ABCA13: variants seen among roughly 807,000 people sequenced by gnomAD.
ABCA13 encodes the protein ATP binding cassette subfamily A member 13, also known as ATP-binding cassette sub-family A member 13.
A neutral mutation model predicts 478.7 loss-of-function variants in ABCA13; 476 were observed. The observed-to-expected ratio is 0.99, with a 90% CI of 0.92 to 1.07. ABCA13 has a LOEUF of 1.07. Among genes scored for constraint, ABCA13 ranks in the 50% least tolerant of loss-of-function variants. ABCA13 has a pLI of 0.00. For synonymous variants in ABCA13, 2,252 were observed against 2,158.9 expected (o/e 1.04, Z -1.20); for missense variants, 6,060 against 5,910.6 (o/e 1.03, Z -0.83).
intron 16 of ABCA13, among the ~76,000 whole-genome samples, chr7:48,270,920 T>A (rs1407300910): frequency 6.6e-6 from 1 of 152,206 alleles, no homozygotes; most frequent in Non-Finnish European, 1.5e-5. Flanking sequence ...TCACAACTCA[T>A]TCAGCAAAGA....
At chr7:48,549,276 C>T (rs1218977779) in intron 55 of ABCA13, among the ~76,000 whole-genome samples, 7 of 151,742 alleles carry the variant, frequency 4.6e-5, no homozygotes, top group Non-Finnish European at 1.0e-4. Flanking sequence ...CATGTGTTCT[C>T]ATTGTTCAAC....
intron 55 of ABCA13, among the ~76,000 whole-genome samples, chr7:48,560,534 T>G (rs1786350645): frequency 6.6e-6 from 1 of 152,158 alleles, no homozygotes; most frequent in Non-Finnish European, 1.5e-5. Context: ...TTTTTTTGTG[T>G]GTAGTTAGTT....
At chr7:48,247,219 C>CT (rs1791829174) in intron 13 of ABCA13, among the ~76,000 whole-genome samples, 1 of 151,642 alleles carries the variant, frequency 6.6e-6, no homozygotes, top group African/African-American at 2.4e-5. Context: ...GCCTGGGTGA[C>CT]AATGTGAGAC....
intron 5 of ABCA13, 39 bp from the exon 6 acceptor site, chr7:48,227,223 T>C: frequency 1.2e-6 from 2 of 1,608,976 alleles, no homozygotes; most frequent in Non-Finnish European, 8.5e-7. Context: ...TTAATAAAAC[T>C]CCAGAGGGAA....
intron 61 of ABCA13, among the ~76,000 whole-genome samples, 174 bp downstream of exon 61, chr7:48,644,928 A>G: frequency 6.6e-6 from 1 of 152,134 alleles, no homozygotes; most frequent in East Asian, 1.9e-4. Flanking sequence ...TGTTTACTGT[A>G]TACCCTTCTA....
chr7:48,378,475 C>T (rs1051276169), intron 35 of ABCA13, among the ~76,000 whole-genome samples: 1 of 152,118 alleles, frequency 6.6e-6, no homozygotes, highest in Non-Finnish European at 1.5e-5. Context: ...TGAACCATGC[C>T]ACATTTGGAA....
intron 58 of ABCA13, among the ~76,000 whole-genome samples, chr7:48,601,468 G>T (rs1334313385): frequency 6.6e-6 from 1 of 152,160 alleles, no homozygotes; most frequent in Non-Finnish European, 1.5e-5. Flanking sequence ...GTGAGAACAT[G>T]TGGTGTTTGG....
In ABCA13 at chr7:48,412,601, G is replaced by A. The variant is rs779209458; in HGVS notation, c.12459+18G>A. ...TAGAAGAGGTACTGAGAAAACTGAA[G>A]CGTGCTTTAATTATTTATGCCTTTT... On this transcript the variant is annotated intron_variant, in intron 41 of 61. Transcript: ENST00000435803. The A allele has an allele frequency of 1.9e-6, 3 of 1,579,368 alleles. No individual in the cohort carries two copies. The highest frequency in any genetic ancestry group is 2.6e-6 in the Non-Finnish European group (3 of 1,162,532).
chr7:48,561,477 C>T (rs1161811753), intron 55 of ABCA13, among the ~76,000 whole-genome samples: 2 of 152,116 alleles, frequency 1.3e-5, no homozygotes, highest in East Asian at 1.9e-4. Context: ...TAATTTGCAT[C>T]TCCCTAATGA....
chr7:48,245,669 C>T (rs530353492), intron 12 of ABCA13, 57 bp downstream of exon 12: 4 of 1,549,632 alleles, frequency 2.6e-6, no homozygotes, highest in Admixed American at 3.7e-5. Context: ...TCAAGAAGCT[C>T]ATGCAATATT....
intron 20 of ABCA13, among the ~76,000 whole-genome samples, chr7:48,289,582 A>G (rs1225535577): frequency 6.6e-6 from 1 of 151,864 alleles, no homozygotes; most frequent in Non-Finnish European, 1.5e-5. Flanking sequence ...GCTGGTCTTG[A>G]ACTCCTGATC....
chr7:48,241,938 C>T (rs991728928), intron 10 of ABCA13, among the ~76,000 whole-genome samples: 60 of 152,206 alleles, frequency 3.9e-4, no homozygotes, highest in African/African-American at 1.3e-3. Flanking sequence ...GAGGTGCTTG[C>T]GCTAAAGGCA....
At chr7:48,573,645 G>T (rs1787892301) in intron 55 of ABCA13, among the ~76,000 whole-genome samples, 1 of 152,068 alleles carries the variant, frequency 6.6e-6, no homozygotes, top group African/African-American at 2.4e-5. Context: ...GAGGTGGGAG[G>T]ATTGCTGGAG....
At chr7:48,264,356 CA>C (rs1458720677) in intron 15 of ABCA13, among the ~76,000 whole-genome samples, 21 of 151,848 alleles carry the variant, frequency 1.4e-4, no homozygotes, top group African/African-American at 4.8e-4. Context: ...ACAAAATTCA[CA>C]AACTGTTTTT....
intron 42 of ABCA13, among the ~76,000 whole-genome samples, chr7:48,438,289 C>T (rs934776842): frequency 6.6e-6 from 1 of 152,016 alleles, no homozygotes; most frequent in Admixed American, 6.6e-5. Context: ...TTTTTCCTAC[C>T]ATTTCAATGT....
At position 48,621,423 on chromosome 7, in the gene ABCA13, GA is replaced by G. The variant is rs1170991516; in HGVS notation, c.14837+6047del. Among the ~76,000 whole-genome samples the G allele has an allele frequency of 4.6e-5, 7 of 152,080 alleles. 1 individual carries two copies. The highest frequency in any genetic ancestry group is 1.7e-4 in the African/African-American group (7 of 41,394). ...GCTCAAGTATCCATGTGATTTAGGA[GA>G]TAAAATATGAGGGCAATGACAACCA... On this transcript the variant is annotated intron_variant, in intron 59 of 61. Coordinates refer to ENST00000435803, the MANE Select transcript of ABCA13 (RefSeq NM_152701.5).
intron 3 of ABCA13, among the ~76,000 whole-genome samples, chr7:48,201,408 C>T (rs979643207): frequency 3.3e-5 from 5 of 149,456 alleles, no homozygotes; most frequent in South Asian, 2.1e-4. Context: ...AGTAAGGAGA[C>T]TTTTCTCCTC....
chr7:48,407,972 GAA>G (rs1443570533), intron 39 of ABCA13, among the ~76,000 whole-genome samples: 1 of 152,132 alleles, frequency 6.6e-6, no homozygotes, highest in Non-Finnish European at 1.5e-5. Context: ...AGGGGTCTTA[GAA>G]CCAATGCTCC....
intron 55 of ABCA13, among the ~76,000 whole-genome samples, chr7:48,545,009 T>G (rs1784694547): frequency 6.6e-6 from 1 of 151,946 alleles, no homozygotes; most frequent in African/African-American, 2.4e-5. Context: ...CACAGAAGTC[T>G]TGTGTTGATT....
Sources: allele counts gnomAD v4.1 joint callset (sites outside exome capture counted in the v4.1 genomes callset), GRCh38; gene constraint gnomAD v4.1.1; transcripts MANE v1.5; gene names NCBI Gene and HGNC (gene_info 2026-07-23, HGNC 2026-07-21).